SGCE: variants seen among roughly 807,000 people sequenced by gnomAD.
The protein encoded by SGCE is sarcoglycan epsilon, also known as epsilon-sarcoglycan.
Under a neutral mutation model 57.8 loss-of-function variants are expected in SGCE, and 26 were observed. That is an observed-to-expected ratio of 0.45 (90% confidence interval 0.33 to 0.62). The LOEUF is 0.62. SGCE is among the 20% of genes least tolerant of loss of function. The pLI, the probability that SGCE is intolerant of heterozygous loss-of-function variation, is 0.02. For synonymous variants in SGCE, 183 were observed against 189.5 expected, an observed-to-expected ratio of 0.97 and a Z score of 0.28; for missense variants, 468 against 548.6, an observed-to-expected ratio of 0.85 and a Z score of 1.47.
intron 2 of SGCE, chr7:94,628,671 C>A: frequency 2.9e-6 from 1 of 343,822 alleles, no homozygotes; most frequent in Non-Finnish European, 5.5e-6. Context: ...CAGGAGAATT[C>A]CCTAATCATG....
At chr7:94,587,304 T>G in intron 10 of SGCE, 1 of 992,924 alleles carries the variant, frequency 1.0e-6, no homozygotes, top group Non-Finnish European at 1.2e-6. Flanking sequence ...GTTTCCTAAT[T>G]CCCCTAGTGG....
Position 94,628,918 on chromosome 7 carries a change from T to C in SGCE, c.233-559A>G, listed in dbSNP as rs1036757031. On this transcript the variant is annotated intron_variant, in intron 2 of 10. Coordinates refer to ENST00000648936, the MANE Select transcript of SGCE (RefSeq NM_003919.3). ...ATCATTTATTAGCACATCCTGGCCCTGTGTTAAATGCTTTACAAGCCGTAT... is the reference window on the plus strand; with the variant it reads ...ATCATTTATTAGCACATCCTGGCCCCGTGTTAAATGCTTTACAAGCCGTAT... 5.8e-5 allele frequency: 9 copies of C among 155,204 alleles called. 1 individual carries two copies. The highest frequency in any genetic ancestry group is 2.2e-4 in the African/African-American group (9 of 41,526). 9.6% of individuals were successfully genotyped at this position (155,204 alleles called of 1,614,324 possible).
chr7:94,593,650 C>A (rs1169906682), intron 9 of SGCE, among the ~76,000 whole-genome samples: 2 of 151,944 alleles, frequency 1.3e-5, no homozygotes, highest in Non-Finnish European at 2.9e-5. Context: ...TCAACCTCTC[C>A]ACACCATTTT....
At chr7:94,588,896 G>C in intron 9 of SGCE, 164 bp from the exon 10 acceptor site, 1 of 693,982 alleles carries the variant, frequency 1.4e-6, no homozygotes, top group Admixed American at 2.5e-5. Flanking sequence ...AGGAAACTGA[G>C]GTCTGAGGAG....
intron 3 of SGCE, 41 bp from the exon 4 acceptor site, chr7:94,623,438 C>A: frequency 2.4e-6 from 3 of 1,272,952 alleles, no homozygotes; most frequent in Non-Finnish European, 3.4e-6. Flanking sequence ...GTGAAATGTT[C>A]TTTGTAAAAT....
intron 1 of SGCE, among the ~76,000 whole-genome samples, chr7:94,654,456 C>T (rs954026317): frequency 6.6e-5 from 10 of 152,278 alleles, no homozygotes; most frequent in African/African-American, 2.2e-4. Flanking sequence ...CAGAACAGTA[C>T]TCTACCAAGC....
rs934050595 is a variant in SGCE at position 94,592,388 on chromosome 7, G to A, written c.1254-3656C>T. ...GGCAATTATACAGGAGCGGGGGGTC[G>A]ACTTCAAATAGAGGCCCTATAATCC... On this transcript the variant is annotated intron_variant, in intron 9 of 10. Transcript: ENST00000648936. 7.2e-5 allele frequency among the ~76,000 whole-genome samples: 11 copies of A among 152,118 alleles called. No individual in the cohort carries two copies. The South Asian group carries it at 2.1e-3, about 29-fold the overall frequency.
At chr7:94,596,850 T>A (rs1798470643) in intron 9 of SGCE, among the ~76,000 whole-genome samples, 1 of 152,128 alleles carries the variant, frequency 6.6e-6, no homozygotes, top group Non-Finnish European at 1.5e-5. Context: ...GAAGGATATC[T>A]GTCAACATTT....
chr7:94,629,736 G>A lies in SGCE; in HGVS notation c.215C>T (p.Pro72Leu), dbSNP rs779878703. The change falls in exon 2 of 11, where the codon CCA becomes CTA. Residue 72 changes from proline to leucine, a missense_variant. Transcript: ENST00000648936. ...LEREYFKGEF[P>L]PYPKPGEISN... The stretch of plus-strand genomic sequence containing the variant: ...GAACATACCAGGTTTTGGGTAAGGT[G>A]GAAATTCCCCCTTAAAATATTCTCT... 1.2e-6 allele frequency: 2 copies of A among 1,611,046 alleles called. No individual in the cohort carries two copies. Among genetic ancestry groups the A allele is most frequent in the South Asian group, 1.1e-5 (1 of 91,010 alleles).
chr7:94,643,355 G>A (rs1411815024), intron 1 of SGCE, among the ~76,000 whole-genome samples: 1 of 152,120 alleles, frequency 6.6e-6, no homozygotes, highest in Non-Finnish European at 1.5e-5. Context: ...GGCTTTTACA[G>A]GATTCAAAAA....
rs900400899 is a variant in SGCE, at chr7:94,632,686, C to T, written c.110-2845G>A. The stretch of plus-strand genomic sequence containing the variant: ...CATCAGTTTAAATTACAGGCACCCA[C>T]ACAACATTTTAGAGGAGTGCCCTTT... On this transcript the variant is annotated intron_variant, in intron 1 of 10. Coordinates refer to ENST00000648936, the MANE Select transcript of SGCE (RefSeq NM_003919.3). 6.6e-5 allele frequency among the ~76,000 whole-genome samples: 10 copies of T among 152,104 alleles called. 1 individual carries two copies. The highest frequency in any genetic ancestry group is 6.6e-4 in the Admixed American group (10 of 15,244).
intron 7 of SGCE, chr7:94,599,979 T>C (rs1049257084): frequency 8.3e-6 from 3 of 363,176 alleles, no homozygotes; most frequent in African/African-American, 6.3e-5. Flanking sequence ...AAATAAATTC[T>C]ATGACATAAT....
At chr7:94,646,095 C>T (rs1220125350) in intron 1 of SGCE, among the ~76,000 whole-genome samples, 1 of 152,210 alleles carries the variant, frequency 6.6e-6, no homozygotes, top group East Asian at 1.9e-4. Flanking sequence ...AAGATGGCAT[C>T]TCAGCCAATC....
At chr7:94,596,076 C>G (rs1253174147) in intron 9 of SGCE, among the ~76,000 whole-genome samples, 1 of 151,910 alleles carries the variant, frequency 6.6e-6, no homozygotes, top group East Asian at 1.9e-4. Flanking sequence ...GTTTTCTGGA[C>G]TTAAAAATAC....
intron 4 of SGCE, chr7:94,621,738 G>C (rs1259529897): frequency 6.6e-6 from 1 of 152,150 alleles, no homozygotes; most frequent in Admixed American, 6.6e-5. Context: ...CAATTATTCT[G>C]CTCATTAAGT....
At position 94,586,887 on chromosome 7, in the gene SGCE, T is replaced by A; in HGVS notation, c.1298-1372A>T. 3 of 985,150 alleles carry A rather than the reference T, an allele frequency of 3.0e-6. No homozygotes were observed. In the South Asian group the frequency reaches 1.4e-4, roughly 46 times the overall value. The allele number at this position is 985,150 out of a possible 1,614,324, so 61.0% of individuals were successfully genotyped here. ...AAAATGCTAGGGTGGTCTCTCTCCC[T>A]TTGGCACTTAAGATATTTTGGGGAC... On this transcript the variant is annotated intron_variant, in intron 10 of 10. Transcript: ENST00000648936.
intron 9 of SGCE, chr7:94,590,962 A>G (rs1247832944): frequency 6.6e-6 from 1 of 152,132 alleles, no homozygotes; most frequent in Non-Finnish European, 1.5e-5. Flanking sequence ...TTAATGTTTC[A>G]GTTCCACTTT....
Position 94,598,898 on chromosome 7 carries a change from T to C in SGCE, c.1130A>G (p.Asn377Ser). ...TGACAGGGGCCATGCTATCTCTCTA[T>C]TCTTGGACATGTCTCGAAGCTCCTT... ...STKELRDMSK[N>S]REIAWPLSTL... is the part of the protein sequence containing the mutation. Residue 377 changes from asparagine (N) to serine (S), a missense_variant, in exon 9 of 11, where the codon AAT becomes AGT. Transcript: ENST00000648936. The C allele has an allele frequency of 6.2e-7, 1 of 1,613,864 alleles. No homozygotes were observed.
At chr7:94,620,456 T>G (rs1802583417) in intron 4 of SGCE, 1 of 152,310 alleles carries the variant, frequency 6.6e-6, no homozygotes, top group Middle Eastern at 3.4e-3. Context: ...AAATTTCGTT[T>G]TATAGACATA....
Sources: allele counts gnomAD v4.1 joint callset (sites outside exome capture counted in the v4.1 genomes callset), GRCh38; gene constraint gnomAD v4.1.1; transcripts MANE v1.5; gene names NCBI Gene and HGNC (gene_info 2026-07-23, HGNC 2026-07-21).